SLC18B1: variants seen among roughly 807,000 people sequenced by gnomAD.
SLC18B1 encodes the protein solute carrier family 18 member B1.
A neutral mutation model predicts 53.9 loss-of-function variants in SLC18B1; 62 were observed. The observed-to-expected ratio is 1.15, with a 90% CI of 0.94 to 1.42. The LOEUF (loss-of-function observed/expected upper bound fraction) is 1.42. Among genes scored for constraint, SLC18B1 ranks in the 40% most tolerant of loss-of-function variants. SLC18B1 has a pLI of 0.00. For synonymous variants in SLC18B1, 217 were observed against 200.9 expected (o/e 1.08, Z -0.68); for missense variants, 598 against 547.3 (o/e 1.09, Z -0.93).
chr6:132,790,422 G>A (rs1478137052), intron 2 of SLC18B1, 150 bp from the exon 3 acceptor site: 2 of 509,614 alleles, frequency 3.9e-6, no homozygotes, highest in Non-Finnish European at 3.4e-6. Context: ...AATGGGGTGG[G>A]GAAGGAAGGG....
intron 2 of SLC18B1, among the ~76,000 whole-genome samples, chr6:132,795,022 T>C (rs1241370728): frequency 1.3e-5 from 2 of 152,052 alleles, no homozygotes; most frequent in African/African-American, 4.8e-5. Flanking sequence ...AAGCCCCAAC[T>C]TAGATTTAGC....
At chr6:132,785,118 AGTGTGTGTGTGTGTGT>A (rs3063220) in intron 5 of SLC18B1, among the ~76,000 whole-genome samples, 3 of 143,086 alleles carry the variant, frequency 2.1e-5, no homozygotes, top group African/African-American at 7.5e-5. Context: ...TCTCTCTCTC[AGTGTGTGTGTGTGTGT>A]GTGTGTGTGT....
At chr6:132,773,889 A>G (rs1399135205) in intron 9 of SLC18B1, among the ~76,000 whole-genome samples, 1 of 152,180 alleles carries the variant, frequency 6.6e-6, no homozygotes, top group African/African-American at 2.4e-5. Flanking sequence ...AAAAACAAAA[A>G]TATATTCTAA....
intron 2 of SLC18B1, among the ~76,000 whole-genome samples, chr6:132,792,283 G>GAA (rs71003613): frequency 2.0e-5 from 1 of 49,014 alleles, no homozygotes; most frequent in African/African-American, 1.3e-4. Context: ...AAGAAAGAAA[G>GAA]GAAGAAAGGA....
At chr6:132,778,898 A>G (rs866651676) in intron 7 of SLC18B1, among the ~76,000 whole-genome samples, 2 of 152,236 alleles carry the variant, frequency 1.3e-5, no homozygotes, top group South Asian at 4.1e-4. Context: ...TTATAGAAGA[A>G]GCACATCTCA....
intron 1 of SLC18B1, 23 bp from the exon 2 acceptor site, chr6:132,797,144 T>G (rs764382947): frequency 6.2e-7 from 1 of 1,612,672 alleles, no homozygotes; most frequent in Non-Finnish European, 8.5e-7. Context: ...CATGCAGCAA[T>G]TAGGCATATA....
chr6:132,797,196 C>T, intron 1 of SLC18B1, 75 bp from the exon 2 acceptor site: 2 of 1,571,314 alleles, frequency 1.3e-6, no homozygotes, highest in Non-Finnish European at 1.7e-6. Context: ...GATTTCTGTG[C>T]ACATATGTTG....
intron 5 of SLC18B1, among the ~76,000 whole-genome samples, chr6:132,786,389 C>CAA (rs11398046): frequency 4.0e-5 from 6 of 149,834 alleles, no homozygotes; most frequent in Admixed American, 6.7e-5. Flanking sequence ...ACTAAAAATA[C>CAA]AAAAAAAAAT....
intron 7 of SLC18B1, among the ~76,000 whole-genome samples, chr6:132,777,858 T>C (rs1217200770): frequency 1.3e-5 from 2 of 152,264 alleles, no homozygotes; most frequent in Non-Finnish European, 2.9e-5. Context: ...ATGATCTAAA[T>C]GGACTGTGTC....
At chr6:132,784,638 C>T (rs1781324193) in intron 5 of SLC18B1, among the ~76,000 whole-genome samples, 1 of 151,750 alleles carries the variant, frequency 6.6e-6, no homozygotes, top group Non-Finnish European at 1.5e-5. Context: ...AGTGAGTGAA[C>T]ACCGGTAGGC....
chr6:132,798,324 T>C lies in SLC18B1; in HGVS notation c.43+90A>G, dbSNP rs184431726. ...CCTTTTCCAATCTCTCGGAAACAGA[T>C]CAAGCTATAAGCAATTCAATCGTTG... On this transcript the variant is annotated intron_variant, in intron 1 of 13. Coordinates refer to ENST00000275227, the MANE Select transcript of SLC18B1 (RefSeq NM_052831.3). 12,799 of 1,322,444 alleles carry C rather than the reference T, an allele frequency of 9.7e-3. 81 individuals carry two copies. The highest frequency in any genetic ancestry group is 0.011 in the Non-Finnish European group (11,469 of 1,003,398). The allele number at this position is 1,322,444 out of a possible 1,614,324, so 81.9% of individuals were successfully genotyped here. A position where few individuals can be genotyped will look rare whatever the true frequency, so the allele number is the denominator to read the frequency against.
intron 6 of SLC18B1, among the ~76,000 whole-genome samples, chr6:132,781,683 G>A (rs1216119346): frequency 1.3e-5 from 2 of 151,630 alleles, no homozygotes; most frequent in African/African-American, 4.9e-5. Context: ...CTTGAACCCG[G>A]GAGGCGGAGG....
Position 132,787,429 on chromosome 6 carries a change from C to A in SLC18B1, c.501+5G>T. ...GAAAGTGGGAAATACTTCTAAAATACATACCAATACCGTAGCCACGTTATT... is the reference window on the plus strand; with the variant it reads ...GAAAGTGGGAAATACTTCTAAAATAAATACCAATACCGTAGCCACGTTATT... On this transcript the variant is annotated splice_donor_5th_base_variant and intron_variant, in intron 5 of 13. Transcript: ENST00000275227. 3 of 1,563,712 alleles carry A rather than the reference C, an allele frequency of 1.9e-6. No individual in the cohort carries two copies. The highest frequency in any genetic ancestry group is 2.6e-6 in the Non-Finnish European group (3 of 1,161,286).
intron 8 of SLC18B1, among the ~76,000 whole-genome samples, chr6:132,775,051 C>A (rs1781066297): frequency 6.6e-6 from 1 of 152,146 alleles, no homozygotes; most frequent in Non-Finnish European, 1.5e-5. Context: ...TCTTAACACC[C>A]AATGTGATGG....
intron 1 of SLC18B1, 108 bp from the exon 2 acceptor site, chr6:132,797,229 A>C: frequency 7.4e-7 from 1 of 1,359,264 alleles, no homozygotes; most frequent in South Asian, 1.3e-5. Context: ...ATCATTTGCT[A>C]AGCTTAGGGC....
intron 2 of SLC18B1, among the ~76,000 whole-genome samples, chr6:132,793,359 CT>C (rs1352724803): frequency 6.6e-6 from 1 of 151,906 alleles, no homozygotes; most frequent in African/African-American, 2.4e-5. Context: ...AAATCAAAGC[CT>C]TCTCTTCATA....
At position 132,796,354 on chromosome 6, in the gene SLC18B1, C is replaced by CAAAAAA. The variant is rs780737208; in HGVS notation, c.183+622_183+627dup. Among the ~76,000 whole-genome samples, 92 of 44,688 alleles carry CAAAAAA rather than the reference C, an allele frequency of 2.1e-3. 4 individuals carry two copies. The highest frequency in any genetic ancestry group is 9.7e-3 in the African/African-American group (86 of 8,900). The allele number at this position is 44,688 out of a possible 152,430, so 29.3% of individuals were successfully genotyped here. On this transcript the variant is annotated intron_variant, in intron 2 of 13. Transcript: ENST00000275227. ...TGGGCGAGAGTGCGAGACTCCATCT[C>CAAAAAA]AAAAAAAAAAAAAAAAAAAAAATTA...
At chr6:132,797,262 A>G (rs1427018881) in intron 1 of SLC18B1, 141 bp from the exon 2 acceptor site, 2 of 1,045,174 alleles carry the variant, frequency 1.9e-6, no homozygotes, top group African/African-American at 3.2e-5. Flanking sequence ...AGCACATTTG[A>G]TCAAATGGAA....
intron 2 of SLC18B1, among the ~76,000 whole-genome samples, chr6:132,792,295 GGA>G: frequency 1.3e-5 from 1 of 75,224 alleles, no homozygotes; most frequent in South Asian, 4.8e-4. Context: ...AAGAAAGGAA[GGA>G]AGGAAGGAAG....
Sources: allele counts gnomAD v4.1 joint callset (sites outside exome capture counted in the v4.1 genomes callset), GRCh38; gene constraint gnomAD v4.1.1; transcripts MANE v1.5; gene names NCBI Gene and HGNC (gene_info 2026-07-23, HGNC 2026-07-21).